HEATR4: variants seen among roughly 807,000 people sequenced by gnomAD.
HEATR4 encodes HEAT repeat-containing protein 4.
In HEATR4, 95 loss-of-function variants were observed where a neutral mutation model predicts 108.8. That is an observed-to-expected ratio of 0.87 (90% CI 0.74 to 1.04). HEATR4 has a LOEUF of 1.04. Among genes scored for constraint, HEATR4 ranks in the 50% least tolerant of loss-of-function variants. The probability of loss-of-function intolerance (pLI) is 0.00; values close to 1 mark genes in which losing one functional copy is unlikely to be tolerated. For missense variants in HEATR4, 1,152 were observed against 1,253.8 expected, an observed-to-expected ratio of 0.92 and a Z score of 1.23; for synonymous variants, 443 against 459.4, an observed-to-expected ratio of 0.96 and a Z score of 0.46.
At chr14:73,598,217 C>CAAAAAAAA in the HEATR4 span, among the ~76,000 whole-genome samples, 54 of 54,888 alleles carry the variant, frequency 9.8e-4, no homozygotes, top group African/African-American at 2.8e-3. Context: ...ACTAAAAATA[C>CAAAAAAAA]AAAAAAAAAA....
the HEATR4 span, among the ~76,000 whole-genome samples, chr14:73,630,938 A>G: frequency 2.0e-5 from 3 of 152,160 alleles, no homozygotes; most frequent in African/African-American, 4.8e-5. Flanking sequence ...TGGCGAAAGG[A>G]CCAAAGACAG....
At chr14:73,592,536 T>C in the HEATR4 span, 3 of 1,207,774 alleles carry the variant, frequency 2.5e-6, no homozygotes, top group Admixed American at 8.9e-5. Context: ...ACATTGACTA[T>C]GTCAGTGGCC....
At position 73,503,643 on chromosome 14, in the gene HEATR4, T is replaced by A. The variant is rs201194147; in HGVS notation, c.1987-630A>T. On this transcript the variant is annotated intron_variant, in intron 10 of 17. Coordinates refer to ENST00000553558, the MANE Select transcript of HEATR4 (RefSeq NM_001220484.1). ...TTCCTATCTCTTTTATTAAAAATTTTAAAAAATAAAATAAAAACATCTCCT... is the reference window on the plus strand; with the variant it reads ...TTCCTATCTCTTTTATTAAAAATTTAAAAAAATAAAATAAAAACATCTCCT... 2.0e-4 allele frequency among the ~76,000 whole-genome samples: 30 copies of A among 149,392 alleles called. No homozygotes were observed. The East Asian group carries it at 4.2e-3, about 21-fold the overall frequency.
At chr14:73,494,629 C>T (rs1376866338) in intron 16 of HEATR4, among the ~76,000 whole-genome samples, 1 of 152,148 alleles carries the variant, frequency 6.6e-6, no homozygotes. Flanking sequence ...TGGGTTACTG[C>T]AGCCTCAACC....
the HEATR4 span, chr14:73,582,422 A>G: frequency 6.6e-6 from 1 of 151,150 alleles, no homozygotes. Context: ...TAGGTACTTA[A>G]GGGAGTGACC....
chr14:73,584,000 T>TTAAAAA, the HEATR4 span, among the ~76,000 whole-genome samples: 4 of 143,564 alleles, frequency 2.8e-5, no homozygotes, highest in Non-Finnish European at 4.6e-5. Flanking sequence ...AATCTCCGTC[T>TTAAAAA]AAAAAAAAAA....
chr14:73,628,477 G>T, the HEATR4 span, among the ~76,000 whole-genome samples: 9 of 152,002 alleles, frequency 5.9e-5, no homozygotes, highest in Non-Finnish European at 4.4e-5. Flanking sequence ...ACAGCCTCTG[G>T]GTGTGGTGGC....
the HEATR4 span, among the ~76,000 whole-genome samples, chr14:73,578,871 G>T: frequency 6.6e-6 from 1 of 151,806 alleles, no homozygotes; most frequent in African/African-American, 2.4e-5. Flanking sequence ...CAGTCACGAG[G>T]TCGGGAGATC....
intron 1 of HEATR4, among the ~76,000 whole-genome samples, chr14:73,551,663 C>T (rs1400674098): frequency 8.9e-6 from 1 of 111,910 alleles, no homozygotes; most frequent in African/African-American, 2.9e-5. Context: ...CACAAATTAG[C>T]CGGGTGTGGT....
the HEATR4 span, chr14:73,591,914 A>C: frequency 7.4e-7 from 1 of 1,344,258 alleles, no homozygotes; most frequent in South Asian, 2.1e-5. Context: ...ACGATCTTGG[A>C]CGGGTCTCGG....
the HEATR4 span, chr14:73,568,996 G>A: frequency 1.9e-6 from 1 of 530,974 alleles, no homozygotes; most frequent in African/African-American, 1.9e-5. Context: ...GAGACTGCTA[G>A]CTGCCTGGTT....
At chr14:73,499,215 G>A (rs866904842) in intron 12 of HEATR4, 75 bp from the exon 13 acceptor site, 2 of 1,283,540 alleles carry the variant, frequency 1.6e-6, no homozygotes, top group Non-Finnish European at 2.3e-6. Context: ...GTGCGGTGGT[G>A]CACCCCTGTA....
chr14:73,572,199 T>TA, the HEATR4 span, among the ~76,000 whole-genome samples: 2 of 85,564 alleles, frequency 2.3e-5, no homozygotes, highest in African/African-American at 5.5e-5. Context: ...TGGATTAATT[T>TA]AAAAAAAGAG....
intron 5 of HEATR4, among the ~76,000 whole-genome samples, chr14:73,517,700 A>G (rs1595126181): frequency 8.0e-5 from 11 of 137,960 alleles, no homozygotes; most frequent in South Asian, 2.4e-4. Context: ...AAAGAGAGAG[A>G]GGGAAGGGGA....
At chr14:73,586,684 GAC>G in the HEATR4 span, among the ~76,000 whole-genome samples, 1 of 148,014 alleles carries the variant, frequency 6.8e-6, no homozygotes, top group Non-Finnish European at 1.5e-5. Context: ...CAGCCTGGGA[GAC>G]ACAGTGACTC....
At chr14:73,578,527 C>T in the HEATR4 span, among the ~76,000 whole-genome samples, 1 of 152,036 alleles carries the variant, frequency 6.6e-6, no homozygotes, top group Non-Finnish European at 1.5e-5. Context: ...CCGGGCCCAG[C>T]CTAGTTAGTC....
At chr14:73,545,653 A>G (rs1054398052) in intron 1 of HEATR4, among the ~76,000 whole-genome samples, 1 of 77,662 alleles carries the variant, frequency 1.3e-5, no homozygotes, top group Non-Finnish European at 2.7e-5. Flanking sequence ...AGGCCACAAC[A>G]CAAAATTTCA....
chr14:73,597,564 T>G, the HEATR4 span, among the ~76,000 whole-genome samples: 1 of 149,734 alleles, frequency 6.7e-6, no homozygotes, highest in African/African-American at 2.4e-5. Context: ...TTTGTATTTC[T>G]TTTTCTTTTT....
chr14:73,484,534 A>G (rs2140241665), intron 17 of HEATR4, among the ~76,000 whole-genome samples: 1 of 151,690 alleles, frequency 6.6e-6, no homozygotes, highest in Admixed American at 6.6e-5. Flanking sequence ...ACATGCCACC[A>G]CACCCGGCTA....
Sources: allele counts gnomAD v4.1 joint callset (sites outside exome capture counted in the v4.1 genomes callset), GRCh38; gene constraint gnomAD v4.1.1; transcripts MANE v1.5; gene names NCBI Gene and HGNC (gene_info 2026-07-23, HGNC 2026-07-21).